The following COL22A1 variants were observed in gnomAD, a reference collection of about 807,000 sequenced individuals.
COL22A1 encodes collagen type XXII alpha 1 chain.
A neutral mutation model predicts 248.9 loss-of-function variants in COL22A1; 221 were observed. The observed-to-expected ratio is 0.89, with a 90% CI of 0.80 to 0.99. COL22A1 has a LOEUF of 0.99. Ranked by LOEUF, COL22A1 falls within the 50% of genes least tolerant of loss-of-function variation. The probability of loss-of-function intolerance (pLI) is 0.00; values close to 1 mark genes in which losing one functional copy is unlikely to be tolerated. For missense variants in COL22A1, 2,240 were observed against 2,179.0 expected, an observed-to-expected ratio of 1.03 and a Z score of -0.56; for synonymous variants, 891 against 793.4, an observed-to-expected ratio of 1.12 and a Z score of -2.07.
rs180858632 is a variant in COL22A1, at chr8:138,651,807, C to T, written c.3334-2029G>A. On this transcript the variant is annotated intron_variant, in intron 45 of 64. Transcript: ENST00000303045. ...TTCTAGCCACTGAGATATTTCTGGA[C>T]TTAAAGGGTGCCCTGGTGATAGGAA... is the stretch of plus-strand genomic sequence containing the variant. Among the ~76,000 whole-genome samples the T allele has an allele frequency of 2.4e-3, 368 of 152,286 alleles. 3 individuals carry two copies. The highest frequency in any genetic ancestry group is 7.2e-4 in the Admixed American group (11 of 15,294).
chr8:138,602,834 C>T (rs1818141237), intron 59 of COL22A1, among the ~76,000 whole-genome samples: 1 of 152,236 alleles, frequency 6.6e-6, no homozygotes, highest in Non-Finnish European at 1.5e-5. Flanking sequence ...CTGCCATCTC[C>T]TCTCTAAAGC....
chr8:138,711,850 C>A (rs572526041), intron 30 of COL22A1, among the ~76,000 whole-genome samples: 1 of 152,330 alleles, frequency 6.6e-6, no homozygotes, highest in African/African-American at 2.4e-5. Flanking sequence ...CCTGAGGCAG[C>A]CCCAGGGCAG....
chr8:138,660,869 CACACAGACACACACAT>C (rs1823798832), intron 43 of COL22A1, among the ~76,000 whole-genome samples: 1 of 134,640 alleles, frequency 7.4e-6, no homozygotes, highest in East Asian at 2.2e-4. Flanking sequence ...GACACACAAA[CACACAGACACACACAT>C]ACACAGACAC....
intron 4 of COL22A1, among the ~76,000 whole-genome samples, chr8:138,837,799 T>C (rs1239181625): frequency 6.6e-6 from 1 of 152,062 alleles, no homozygotes; most frequent in Non-Finnish European, 1.5e-5. Flanking sequence ...CTGCTTAGGA[T>C]TAGATGTTGT....
intron 44 of COL22A1, among the ~76,000 whole-genome samples, chr8:138,659,416 C>T (rs1294158031): frequency 6.6e-6 from 1 of 152,172 alleles, no homozygotes. Context: ...GATAGGCAGC[C>T]TCTCAGATCC....
intron 11 of COL22A1, among the ~76,000 whole-genome samples, chr8:138,801,667 T>C (rs1361208185): frequency 6.6e-6 from 1 of 152,076 alleles, no homozygotes; most frequent in Non-Finnish European, 1.5e-5. Context: ...GTACCTGAGG[T>C]CAGGAGTTTG....
chr8:138,821,203 C>T lies in COL22A1; in HGVS notation c.1178G>A (p.Arg393Gln), dbSNP rs757993582. ...CTTGCCCTGGATGTCAATGTTCTCCCGTTCCTCGATGGGTAGTGTCTGCAC... is the reference window on the plus strand; with the variant it reads ...CTTGCCCTGGATGTCAATGTTCTCCTGTTCCTCGATGGGTAGTGTCTGCAC... ...ALVQTLPIEE[R>Q]ENIDIQGKTV... Residue 393 changes from arginine (R) to glutamine (Q), a missense_variant, in exon 7 of 65, where the codon CGG becomes CAG. By Grantham distance (43) the Arg-to-Gln change is conservative (BLOSUM62 1). Coordinates refer to ENST00000303045, the MANE Select transcript of COL22A1 (RefSeq NM_152888.3). The T allele has an allele frequency of 6.2e-6, 10 of 1,614,062 alleles. No individual in the cohort carries two copies. Among genetic ancestry groups the T allele is most frequent in the Non-Finnish European group, 7.6e-6 (9 of 1,180,048 alleles).
At chr8:138,829,343 G>A (rs1341233012) in intron 5 of COL22A1, among the ~76,000 whole-genome samples, 1 of 151,282 alleles carries the variant, frequency 6.6e-6, no homozygotes, top group Non-Finnish European at 1.5e-5. Context: ...TGTAGCTACA[G>A]ATCAGTATGC....
chr8:138,722,334 T>C (rs540243058), intron 25 of COL22A1: 40 of 532,216 alleles, frequency 7.5e-5, no homozygotes, highest in Middle Eastern at 4.6e-4. Flanking sequence ...ACACTGGCCA[T>C]GCATGGAGGG....
chr8:138,628,541 A>C (rs1820439460), intron 50 of COL22A1, among the ~76,000 whole-genome samples: 1 of 152,212 alleles, frequency 6.6e-6, no homozygotes, highest in Non-Finnish European at 1.5e-5. Flanking sequence ...TTTCAGAAGA[A>C]AAAGAAAAAA....
intron 46 of COL22A1, among the ~76,000 whole-genome samples, chr8:138,647,851 A>G (rs1822347655): frequency 6.6e-6 from 1 of 152,202 alleles, no homozygotes; most frequent in South Asian, 2.1e-4. Context: ...GGTCTGGAAA[A>G]GACTGATCTA....
At chr8:138,902,648 G>A (rs1385383859) in intron 1 of COL22A1, among the ~76,000 whole-genome samples, 2 of 151,530 alleles carry the variant, frequency 1.3e-5, no homozygotes, top group Non-Finnish European at 2.9e-5. Context: ...AGAGGTTGCA[G>A]TGAGCCAAGA....
intron 37 of COL22A1, among the ~76,000 whole-genome samples, 156 bp from the exon 38 acceptor site, chr8:138,685,468 A>G (rs1175195131): frequency 6.6e-6 from 1 of 152,152 alleles, no homozygotes; most frequent in Admixed American, 6.5e-5. Context: ...TGGACTGTGT[A>G]ATGTGTGTTA....
intron 43 of COL22A1, among the ~76,000 whole-genome samples, chr8:138,661,039 G>GAC (rs1220574310): frequency 4.3e-5 from 3 of 70,234 alleles, no homozygotes; most frequent in African/African-American, 6.8e-5. Context: ...CACATATACA[G>GAC]ACACACACAC....
chr8:138,905,352 C>T (rs548174064), intron 1 of COL22A1, among the ~76,000 whole-genome samples: 24 of 152,290 alleles, frequency 1.6e-4, no homozygotes, highest in African/African-American at 4.8e-4. Flanking sequence ...CTTTGCAAGA[C>T]GGTAAGTGCA....
At position 138,591,437 on chromosome 8, in the gene COL22A1, G is replaced by A. The variant is rs376095384; in HGVS notation, c.4680C>T (p.Pro1560=). The A allele has an allele frequency of 6.3e-7, 1 of 1,580,238 alleles. No homozygotes were observed. Among genetic ancestry groups the A allele is most frequent in the African/African-American group, 1.4e-5 (1 of 73,454 alleles). Residue 1560 remains proline, a synonymous_variant, in exon 64 of 65, where the codon CCC becomes CCT. Coordinates refer to ENST00000303045, the MANE Select transcript of COL22A1 (RefSeq NM_152888.3). ...AATGAGTCATACCTGGGATTCCAGG[G>A]GGTCCCATCTCGCCTCGGAGGCCAA... ...PGVGLRGEMG[P]PGIPGQPGEP...
intron 63 of COL22A1, 73 bp from the exon 64 acceptor site, chr8:138,591,574 G>A (rs749362622): frequency 1.5e-4 from 177 of 1,186,016 alleles, no homozygotes; most frequent in Middle Eastern, 4.3e-4. Context: ...CCCACCTTGC[G>A]GGAGGTGCAG....
chr8:138,816,857 A>G (rs960342087), intron 7 of COL22A1, among the ~76,000 whole-genome samples: 1 of 152,178 alleles, frequency 6.6e-6, no homozygotes, highest in African/African-American at 2.4e-5. Context: ...TATTTTCTTG[A>G]TACTTGGTTT....
chr8:138,725,351 C>A, intron 24 of COL22A1, 36 bp downstream of exon 24: 1 of 1,609,944 alleles, frequency 6.2e-7, no homozygotes, highest in South Asian at 1.1e-5. Context: ...AAACCACCAT[C>A]TAAGAGCCCC....
Sources: allele counts gnomAD v4.1 joint callset (sites outside exome capture counted in the v4.1 genomes callset), GRCh38; gene constraint gnomAD v4.1.1; transcripts MANE v1.5; gene names NCBI Gene and HGNC (gene_info 2026-07-23, HGNC 2026-07-21).